Variants in OVCH1 observed in about 807,000 individuals in gnomAD.
The protein encoded by OVCH1 is ovochymase 1.
OVCH1 carries 139 observed loss-of-function variants against 138.4 expected under a neutral mutation model. The observed-to-expected ratio is 1.00, with a 90% CI of 0.87 to 1.16. OVCH1 has a LOEUF of 1.16. Ranked by LOEUF, OVCH1 falls within the 50% of genes most tolerant of loss-of-function variation. The pLI is 0.00. For missense variants in OVCH1, 1,367 were observed against 1,357.9 expected, an observed-to-expected ratio of 1.01 and a Z score of -0.11; for synonymous variants, 453 against 467.8, an observed-to-expected ratio of 0.97 and a Z score of 0.41.
At chr12:29,466,548 A>T (rs1324898010) in intron 16 of OVCH1, among the ~76,000 whole-genome samples, 1 of 152,186 alleles carries the variant, frequency 6.6e-6, no homozygotes, top group African/African-American at 2.4e-5. Flanking sequence ...AAAATTGGCA[A>T]AACTCAACTA....
intron 8 of OVCH1, among the ~76,000 whole-genome samples, chr12:29,481,695 A>T (rs557546037): frequency 6.6e-6 from 1 of 152,012 alleles, no homozygotes; most frequent in African/African-American, 2.4e-5. Flanking sequence ...GTTGACTCTC[A>T]CTCTCTCTCT....
intron 21 of OVCH1, among the ~76,000 whole-genome samples, chr12:29,453,707 C>CTT (rs1317182205): frequency 1.3e-5 from 2 of 152,098 alleles, no homozygotes. Context: ...ATTTTAACCA[C>CTT]TTTTTCACAT....
chr12:29,496,459 G>A lies in OVCH1; in HGVS notation c.183+97C>T, dbSNP rs1189629884. 4.1e-6 allele frequency: 5 copies of A among 1,228,180 alleles called. No individual in the cohort carries two copies. The East Asian group carries it at 1.2e-4, about 29-fold the overall frequency. The allele number at this position is 1,228,180 out of a possible 1,614,324, so 76.1% of individuals were successfully genotyped here. A position where few individuals can be genotyped will look rare whatever the true frequency, so the allele number is the denominator to read the frequency against. The stretch of plus-strand genomic sequence containing the variant: ...TTGGTAGAGAGCTAGAGGGGTTCAG[G>A]AGAAAAACTACATATCAACGTGCAT... On this transcript the variant is annotated intron_variant, in intron 2 of 27. Transcript: ENST00000318184.
chr12:29,482,823 G>C (rs748682831), intron 8 of OVCH1, among the ~76,000 whole-genome samples: 28 of 152,190 alleles, frequency 1.8e-4, no homozygotes, highest in Admixed American at 4.6e-4. Flanking sequence ...TTGGGTCACT[G>C]TGTTTGAGGG....
At chr12:29,478,394 T>C (rs1039308470) in intron 9 of OVCH1, among the ~76,000 whole-genome samples, 2 of 152,192 alleles carry the variant, frequency 1.3e-5, no homozygotes, top group Non-Finnish European at 2.9e-5. Context: ...TTGGTAAACA[T>C]GTACCCACTT....
chr12:29,454,654 C>G (rs1429422819), intron 21 of OVCH1, among the ~76,000 whole-genome samples, 187 bp downstream of exon 21: 1 of 152,106 alleles, frequency 6.6e-6, no homozygotes, highest in East Asian at 1.9e-4. Context: ...ACAGGTCTAG[C>G]TTTGGGGTAG....
intron 18 of OVCH1, among the ~76,000 whole-genome samples, chr12:29,462,640 A>G (rs7965132): frequency 0.2 from 30,355 of 151,938 alleles, 3,777 homozygotes; most frequent in African/African-American, 0.36. Context: ...ATAGCCCTAT[A>G]CCTTTTGGGG....
At chr12:29,407,686 A>G (rs1224583905), downstream of OVCH1, among the ~76,000 whole-genome samples, 6 of 152,146 alleles carry the variant, frequency 3.9e-5, no homozygotes, top group Admixed American at 3.3e-4. Flanking sequence ...TGGTGCCAGT[A>G]CCATGCTGTT....
At chr12:29,489,158 TGTCA>T (rs1429544775) in intron 6 of OVCH1, among the ~76,000 whole-genome samples, 3 of 152,210 alleles carry the variant, frequency 2.0e-5, no homozygotes, top group African/African-American at 7.2e-5. Context: ...TGTGAAGTTG[TGTCA>T]GTCTTGGGAG....
Position 29,477,715 on chromosome 12 carries a change from A to G in OVCH1, c.1070-137T>C, listed in dbSNP as rs796070075. 24 of 999,258 alleles carry G rather than the reference A, an allele frequency of 2.4e-5. No individual in the cohort carries two copies. In the African/African-American group the frequency reaches 3.8e-4, roughly 16 times the overall value. 61.9% of individuals were successfully genotyped at this position (999,258 alleles called of 1,614,324 possible). On this transcript the variant is annotated intron_variant, in intron 9 of 27. Transcript: ENST00000318184. ...TACTTATTCTTCAGGGCCTAACTCA[A>G]AATTCAGCTCTCTGATAAACTCTAC... is the stretch of plus-strand genomic sequence containing the variant.
downstream of OVCH1, among the ~76,000 whole-genome samples, chr12:29,426,905 C>A (rs1384146274): frequency 6.6e-6 from 1 of 152,214 alleles, no homozygotes; most frequent in East Asian, 1.9e-4. Context: ...GGTATTGTCA[C>A]ATTTTACTTC....
chr12:29,453,526 C>T (rs1941857274), intron 21 of OVCH1, among the ~76,000 whole-genome samples: 1 of 152,070 alleles, frequency 6.6e-6, no homozygotes, highest in Non-Finnish European at 1.5e-5. Context: ...TCTGTAATCT[C>T]GGTTTCAGGA....
Position 29,445,271 on chromosome 12 carries a change from A to G in OVCH1, c.2881+7T>C, listed in dbSNP as rs755292521. On this transcript the variant is annotated splice_region_variant and intron_variant, in intron 23 of 27. Coordinates refer to ENST00000318184, the Ensembl canonical transcript of OVCH1. Reference sequence around the variant, plus strand: ...CCTTTACAAGTTTATAAAATAACCAAACATACCTAGGACTTTCAAGACAAT... The same window carrying G: ...CCTTTACAAGTTTATAAAATAACCAGACATACCTAGGACTTTCAAGACAAT... 5 of 1,603,930 alleles carry G rather than the reference A, an allele frequency of 3.1e-6. No homozygotes were observed. The highest frequency in any genetic ancestry group is 1.7e-4 in the Middle Eastern group (1 of 6,014).
intron 16 of OVCH1, among the ~76,000 whole-genome samples, chr12:29,471,012 G>A (rs1454023271): frequency 6.6e-6 from 1 of 152,034 alleles, no homozygotes; most frequent in African/African-American, 2.4e-5. Flanking sequence ...CCACATAAAT[G>A]TCTTTTTTGA....
At chr12:29,432,130 A>G (rs897402647) in intron 27 of OVCH1, among the ~76,000 whole-genome samples, 6 of 152,340 alleles carry the variant, frequency 3.9e-5, no homozygotes, top group Non-Finnish European at 7.4e-5. Context: ...TGGGAAAAGT[A>G]GCAGGGGAAG....
chr12:29,451,160 T>TATAATA (rs754903189), intron 22 of OVCH1, among the ~76,000 whole-genome samples, 185 bp downstream of exon 22: 43 of 149,978 alleles, frequency 2.9e-4, no homozygotes, highest in South Asian at 1.3e-3. Context: ...GAACTTAAAG[T>TATAATA]ATAATCATAA....
intron 8 of OVCH1, among the ~76,000 whole-genome samples, chr12:29,479,313 G>A (rs369021402): frequency 6.6e-6 from 1 of 152,126 alleles, no homozygotes; most frequent in East Asian, 1.9e-4. Flanking sequence ...GTTGAATTAT[G>A]GTTCTCATGA....
chr12:29,404,619 A>G, the OVCH1 span, among the ~76,000 whole-genome samples: 1 of 152,214 alleles, frequency 6.6e-6, no homozygotes, highest in Non-Finnish European at 1.5e-5. Flanking sequence ...TCAAGCATCT[A>G]TATAAATGGC....
intron 19 of OVCH1, among the ~76,000 whole-genome samples, chr12:29,456,617 CA>C (rs1484231233): frequency 2.6e-5 from 4 of 152,320 alleles, no homozygotes; most frequent in South Asian, 2.1e-4. Flanking sequence ...TATTAATTAG[CA>C]CTAACATCTT....
Sources: gnomAD v4.1 joint callset for allele counts (sites outside exome capture counted in the v4.1 genomes callset) on GRCh38, gnomAD v4.1.1 for gene constraint, MANE v1.5 for transcripts, NCBI Gene and HGNC (gene_info 2026-07-23, HGNC 2026-07-21) for gene names.